The following PFAS variants were observed in gnomAD, a reference collection of about 807,000 sequenced individuals.
The protein encoded by PFAS is FGAM synthase.
A neutral mutation model predicts 140.6 loss-of-function variants in PFAS; 97 were observed. The ratio of observed to expected loss-of-function variants is 0.69; its 90% CI spans 0.59 to 0.82. The LOEUF is 0.82. Among genes scored for constraint, PFAS ranks in the 40% least tolerant of loss-of-function variants. The pLI is 0.00. For synonymous variants in PFAS, 679 were observed against 718.8 expected (o/e 0.94, Z 0.88); for missense variants, 1,656 against 1,780.2 (o/e 0.93, Z 1.26).
chr17:8,253,696 C>A, intron 1 of PFAS, 163 bp from the exon 2 acceptor site: 1 of 333,612 alleles, frequency 3.0e-6, no homozygotes, highest in Non-Finnish European at 5.3e-6. Flanking sequence ...CCCGCCACCA[C>A]ACCCAGCTAA....
Position 8,267,043 on chromosome 17 carries a change from A to G in PFAS, c.2983A>G (p.Asn995Asp). The G allele has an allele frequency of 6.2e-7, 1 of 1,613,942 alleles. No homozygotes were observed. Among genetic ancestry groups the G allele is most frequent in the Admixed American group, 1.7e-5 (1 of 60,008 alleles). ...GPHAMVRVSVNGAVVLEEPVG... is the reference protein window; with the variant it reads ...GPHAMVRVSVDGAVVLEEPVG... ...CTCTTCCTAGGTCCGGGTGTCAGTG[A>G]ACGGGGCTGTGGTTCTGGAGGAGCC... Residue 995 changes from asparagine to aspartate, a missense_variant, in exon 24 of 28, where the codon AAC (asparagine) becomes GAC (aspartate). Coordinates refer to ENST00000314666, the MANE Select transcript of PFAS (RefSeq NM_012393.3). This position sits in a 1 kb window ranked among gnomAD's most constrained non-coding sequence, Gnocchi z 4.9.
At position 8,267,946 on chromosome 17, in the gene PFAS, T is replaced by C. The variant is rs1193749417; in HGVS notation, c.3382+281T>C. On this transcript the variant is annotated intron_variant, in intron 26 of 27. Transcript: ENST00000314666. This position sits in a 1 kb window ranked among gnomAD's most constrained non-coding sequence, Gnocchi z 4.9. ...ATATTATTAAAATGTATATTATTTA[T>C]ATATTATTAAAATATATATTATTTA... Among the ~76,000 whole-genome samples, 2 of 144,844 alleles carry C rather than the reference T, an allele frequency of 1.4e-5. No homozygotes were observed. The highest frequency in any genetic ancestry group is 2.0e-4 in the East Asian group (1 of 5,082).
intron 11 of PFAS, among the ~76,000 whole-genome samples, chr17:8,260,635 G>T (rs929351648): frequency 1.3e-5 from 2 of 151,976 alleles, no homozygotes; most frequent in Admixed American, 6.6e-5. Context: ...TTTTGGTTTG[G>T]TTTTTTTGAG....
At chr17:8,251,474 C>T (rs111458481) in intron 1 of PFAS, among the ~76,000 whole-genome samples, 2,279 of 150,942 alleles carry the variant, frequency 0.015, 20 homozygotes, top group Middle Eastern at 0.052. Flanking sequence ...TTTATAAAGA[C>T]AGGGTCTTAC....
intron 1 of PFAS, among the ~76,000 whole-genome samples, chr17:8,251,671 T>G (rs1196736814): frequency 2.1e-5 from 3 of 141,286 alleles, no homozygotes; most frequent in Non-Finnish European, 4.7e-5. Flanking sequence ...AGCAATTCTT[T>G]TTTTTTTTTT....
At chr17:8,260,749 C>T (rs1272717858) in intron 11 of PFAS, among the ~76,000 whole-genome samples, 5 of 152,146 alleles carry the variant, frequency 3.3e-5, no homozygotes, top group African/African-American at 7.2e-5. Flanking sequence ...CTCAGCCTCC[C>T]GAGTAGCTGG....
rs56794556 is a variant in PFAS at position 8,257,799 on chromosome 17, C to G, written c.1076-8C>G. On this transcript the variant is annotated splice_polypyrimidine_tract_variant and splice_region_variant and intron_variant, in intron 9 of 27. Coordinates refer to ENST00000314666, the MANE Select transcript of PFAS (RefSeq NM_012393.3). ...CAGTTCATCCAGTTCTCTCTCCTTC[C>G]CTCCCAGGTTACAATCTGCCCTGGG... The G allele has an allele frequency of 3.6e-3, 5,878 of 1,613,732 alleles. 177 individuals carry two copies. In the African/African-American group the frequency reaches 0.067, roughly 18 times the overall value.
Position 8,263,210 on chromosome 17 carries a change from G to A in PFAS, c.1512G>A (p.Glu504=). The A allele has an allele frequency of 1.2e-6, 2 of 1,614,102 alleles. No individual in the cohort carries two copies. The highest frequency in any genetic ancestry group is 1.3e-5 in the African/African-American group (1 of 75,034). Reference sequence around the variant, plus strand: ...ACCGTGTGATCAGGGCTTGTGTGGAGGCCCCCAAGGGAAACCCCATCTGCA... The same window carrying A: ...ACCGTGTGATCAGGGCTTGTGTGGAAGCCCCCAAGGGAAACCCCATCTGCA... The part of the protein sequence containing the change: ...KMNRVIRACV[E]APKGNPICSL... Residue 504 remains glutamate (E), a synonymous_variant, in exon 13 of 28, where the codon GAG becomes GAA. Transcript: ENST00000314666.
rs952304111 is a variant in PFAS at position 8,267,473 on chromosome 17, G to A, written c.3267+10G>A. On this transcript the variant is annotated intron_variant, in intron 25 of 27. Coordinates refer to ENST00000314666, the MANE Select transcript of PFAS (RefSeq NM_012393.3). The surrounding 1 kb of genome is among the most constrained non-coding windows in gnomAD (Gnocchi z 4.9). The stretch of plus-strand genomic sequence containing the variant: ...CTTAGCTGGGTTTGAGGTGAGCAGG[G>A]TAGGGGGCAGCTGGGGGTGATTGTC... The A allele has an allele frequency of 1.9e-6, 3 of 1,612,326 alleles. No homozygotes were observed. The highest frequency in any genetic ancestry group is 1.7e-5 in the Admixed American group (1 of 60,020).
In PFAS at chr17:8,267,768, C is replaced by A; in HGVS notation, c.3382+103C>A. ...GGGATTGGCCTCTCACTCCACCGAG[C>A]TACGAGAGAGTGGGCCCATTCGTTC... On this transcript the variant is annotated intron_variant, in intron 26 of 27. Coordinates refer to ENST00000314666, the MANE Select transcript of PFAS (RefSeq NM_012393.3). The surrounding 1 kb of genome is among the most constrained non-coding windows in gnomAD (Gnocchi z 4.9). 2 of 623,674 alleles carry A rather than the reference C, an allele frequency of 3.2e-6. No individual in the cohort carries two copies. The highest frequency in any genetic ancestry group is 5.6e-6 in the Non-Finnish European group (2 of 357,564). The allele number at this position is 623,674 out of a possible 1,614,324, so 38.6% of individuals were successfully genotyped here.
In PFAS at chr17:8,268,260, C is replaced by T. The variant is rs527704262; in HGVS notation, c.3383-273C>T. Among the ~76,000 whole-genome samples, 977 of 145,606 alleles carry T rather than the reference C, an allele frequency of 6.7e-3. 11 individuals are homozygous for T. The highest frequency in any genetic ancestry group is 0.012 in the South Asian group (56 of 4,576). On this transcript the variant is annotated intron_variant, in intron 26 of 27. Coordinates refer to ENST00000314666, the MANE Select transcript of PFAS (RefSeq NM_012393.3). ...TGCTGGCGGGCGCCTGTAATCCCAG[C>T]TACTTGGGAGGCTGAGGCAGGAGAA...
chr17:8,248,024 G>A (rs201280372), upstream of PFAS: 423 of 1,598,154 alleles, frequency 2.6e-4, 1 homozygote, highest in African/African-American at 4.4e-3. Flanking sequence ...ACCTGGGCCC[G>A]GCCAGCCGCC....
chr17:8,251,833 G>T (rs11868250), intron 1 of PFAS, among the ~76,000 whole-genome samples: 2 of 151,332 alleles, frequency 1.3e-5, no homozygotes, highest in African/African-American at 4.9e-5. Flanking sequence ...CACCACGCCC[G>T]GCTAATTTTT....
chr17:8,264,699 GC>G lies in PFAS; in HGVS notation c.2049+101del, dbSNP rs1439812084. ...AAAGTGCTGTGGGGGTTTTTGCCTG[GC>G]CCTGCAGGAAGCAGCAGGGGCAGGG... On this transcript the variant is annotated intron_variant, in intron 17 of 27. Transcript: ENST00000314666. 10 of 1,354,210 alleles carry G rather than the reference GC, an allele frequency of 7.4e-6. No homozygotes were observed. The African/African-American group carries it at 1.2e-4, about 16-fold the overall frequency. The allele number at this position is 1,354,210 out of a possible 1,614,324, so 83.9% of individuals were successfully genotyped here.
In PFAS at chr17:8,264,028, C is replaced by T. The variant is rs575091874; in HGVS notation, c.1791+92C>T. The T allele has an allele frequency of 5.9e-5, 90 of 1,517,118 alleles. 1 individual carries two copies. The South Asian group carries it at 8.1e-4, about 14-fold the overall frequency. 94.0% of individuals were successfully genotyped at this position (1,517,118 alleles called of 1,614,324 possible). ...AGGGAGAGCTGTCAAGGGAGAGAGA[C>T]GAGAGGAAGATGGGAGGTAGTGGCA... On this transcript the variant is annotated intron_variant, in intron 15 of 27. Transcript: ENST00000314666.
chr17:8,254,997 C>A (rs1567635691), intron 3 of PFAS, 30 bp from the exon 4 acceptor site: 4 of 1,535,066 alleles, frequency 2.6e-6, no homozygotes, highest in Non-Finnish European at 3.6e-6. Context: ...CGGGGGTTCT[C>A]CAGTCCTAAC....
At position 8,266,966 on chromosome 17, in the gene PFAS, C is replaced by T. The variant is rs1989841253; in HGVS notation, c.2968-62C>T. 16 of 1,605,260 alleles carry T rather than the reference C, an allele frequency of 1.0e-5. No individual in the cohort carries two copies. The highest frequency in any genetic ancestry group is 1.1e-5 in the Non-Finnish European group (13 of 1,177,218). ...AGTGGGGTGGCCGCGGTCCATCCCT[C>T]TCCCACTGTGGAGGGGGCCATCCTT... is the stretch of plus-strand genomic sequence containing the variant. On this transcript the variant is annotated intron_variant, in intron 23 of 27. Coordinates refer to ENST00000314666, the MANE Select transcript of PFAS (RefSeq NM_012393.3). This position sits in a 1 kb window ranked among gnomAD's most constrained non-coding sequence, Gnocchi z 5.0.
At chr17:8,265,156 C>T (rs544254771) in intron 18 of PFAS, 31 bp downstream of exon 18, 5 of 1,581,772 alleles carry the variant, frequency 3.2e-6, no homozygotes, top group African/African-American at 2.7e-5. Context: ...TATCCTGGAG[C>T]CCCCGGGCTT....
In PFAS at chr17:8,267,436, C is replaced by T. The variant is rs139869790; in HGVS notation, c.3240C>T (p.Ala1080=). 143 of 1,614,062 alleles carry T rather than the reference C, an allele frequency of 8.9e-5. No individual in the cohort carries two copies. Among genetic ancestry groups the T allele is most frequent in the East Asian group, 8.5e-4 (38 of 44,884 alleles). ...EEGSNGDREM[A]DAFHLAGFEV... Reference sequence around the variant, plus strand: ...GCAGTAATGGAGACCGGGAGATGGCCGATGCCTTCCACTTAGCTGGGTTTG... The same window carrying T: ...GCAGTAATGGAGACCGGGAGATGGCTGATGCCTTCCACTTAGCTGGGTTTG... Residue 1080 remains alanine (A), a synonymous_variant, in exon 25 of 28, where the codon GCC becomes GCT. Transcript: ENST00000314666. The surrounding 1 kb of genome is among the most constrained non-coding windows in gnomAD (Gnocchi z 4.9).
Sources: gnomAD v4.1 joint callset for allele counts (sites outside exome capture counted in the v4.1 genomes callset) on GRCh38, gnomAD v4.1.1 for gene constraint, Gnocchi (gnomAD v3.1) non-coding constraint, MANE v1.5 for transcripts, NCBI Gene and HGNC (gene_info 2026-07-23, HGNC 2026-07-21) for gene names.